The following EBF1 variants were observed in gnomAD, a reference collection of about 807,000 sequenced individuals.
The protein encoded by EBF1 is EBF transcription factor 1, also known as transcription factor COE1.
In EBF1, 10 loss-of-function variants were observed where a neutral mutation model predicts 68.4. The observed-to-expected ratio is 0.15, with a 90% CI of 0.09 to 0.25. The LOEUF (loss-of-function observed/expected upper bound fraction) is 0.25. Ranked by LOEUF, EBF1 falls within the 10% of genes least tolerant of loss-of-function variation. EBF1 has a pLI of 1.00. For synonymous variants in EBF1, 298 were observed against 299.8 expected (o/e 0.99, Z 0.06); for missense variants, 509 against 794.4 (o/e 0.64, Z 4.32).
chr5:158,933,128 C>T (rs1811244434), intron 6 of EBF1, among the ~76,000 whole-genome samples: 1 of 151,762 alleles, frequency 6.6e-6, no homozygotes. Context: ...TCAATACATA[C>T]ATACGGGGTA....
At chr5:158,903,182 T>A (rs78854515) in intron 6 of EBF1, among the ~76,000 whole-genome samples, 3,131 of 152,282 alleles carry the variant, frequency 0.021, 116 homozygotes, top group African/African-American at 0.072. Context: ...TGGATTGTGA[T>A]TATAATCCAC....
chr5:158,958,228 T>C (rs1817521696), intron 6 of EBF1, among the ~76,000 whole-genome samples: 1 of 152,082 alleles, frequency 6.6e-6, no homozygotes, highest in Non-Finnish European at 1.5e-5. Context: ...GGGATCCTCT[T>C]TTACAATAGA....
intron 6 of EBF1, among the ~76,000 whole-genome samples, chr5:159,039,279 A>G (rs1401046765): frequency 6.6e-6 from 1 of 152,178 alleles, no homozygotes; most frequent in Non-Finnish European, 1.5e-5. Flanking sequence ...ATAAATTATT[A>G]TTCCCCTCTC....
At chr5:158,866,653 A>C (rs1209489666) in intron 6 of EBF1, among the ~76,000 whole-genome samples, 1 of 151,732 alleles carries the variant, frequency 6.6e-6, no homozygotes, top group Non-Finnish European at 1.5e-5. Flanking sequence ...TAAGTCACTC[A>C]GTGCCTATAA....
At chr5:158,926,875 T>C (rs2127425336) in intron 6 of EBF1, among the ~76,000 whole-genome samples, 1 of 152,340 alleles carries the variant, frequency 6.6e-6, no homozygotes, top group Admixed American at 6.5e-5. Context: ...TAGTAATGTA[T>C]TAATTGCAAC....
intron 10 of EBF1, among the ~76,000 whole-genome samples, chr5:158,740,438 A>G (rs1766089465): frequency 6.6e-6 from 1 of 152,240 alleles, no homozygotes. Context: ...TAATGAAATT[A>G]TAACAGAGCT....
intron 6 of EBF1, among the ~76,000 whole-genome samples, chr5:158,925,912 C>T (rs1266487035): frequency 6.6e-6 from 1 of 152,110 alleles, no homozygotes. Flanking sequence ...CAGAAACAGT[C>T]CACAATATTA....
intron 15 of EBF1, among the ~76,000 whole-genome samples, chr5:158,703,414 C>T (rs1169156443): frequency 3.3e-5 from 5 of 152,142 alleles, no homozygotes; most frequent in Non-Finnish European, 5.9e-5. Context: ...TGTAGGCAAA[C>T]AAGTTTGCCA....
chr5:159,077,208 G>A (rs1778929072), intron 5 of EBF1, among the ~76,000 whole-genome samples: 1 of 152,210 alleles, frequency 6.6e-6, no homozygotes, highest in African/African-American at 2.4e-5. Context: ...GCCAAGGTGG[G>A]TAGATCACCT....
chr5:158,978,475 G>A (rs2127579627), intron 6 of EBF1, among the ~76,000 whole-genome samples: 1 of 152,228 alleles, frequency 6.6e-6, no homozygotes. Flanking sequence ...GGAAGGGGCA[G>A]AAGCCTTAAC....
At chr5:158,998,303 T>C (rs551587704) in intron 6 of EBF1, among the ~76,000 whole-genome samples, 2 of 152,264 alleles carry the variant, frequency 1.3e-5, no homozygotes, top group Admixed American at 1.3e-4. Flanking sequence ...TGCAACCTCC[T>C]CGACAAGGCT....
chr5:158,955,381 A>G (rs544715929), intron 6 of EBF1, among the ~76,000 whole-genome samples: 1 of 152,256 alleles, frequency 6.6e-6, no homozygotes, highest in East Asian at 1.9e-4. Flanking sequence ...TAGAGGCCTC[A>G]GGACTTAGAG....
intron 11 of EBF1, among the ~76,000 whole-genome samples, chr5:158,725,088 C>T (rs1257230801): frequency 4.6e-5 from 7 of 152,226 alleles, no homozygotes; most frequent in African/African-American, 9.6e-5. Context: ...GGGAGAGCCA[C>T]TTCATAGAGA....
At chr5:158,943,167 T>C (rs1195968684) in intron 6 of EBF1, among the ~76,000 whole-genome samples, 2 of 152,134 alleles carry the variant, frequency 1.3e-5, no homozygotes, top group African/African-American at 4.8e-5. Context: ...TTGAATCTTC[T>C]GTCTTTCAGG....
chr5:158,899,487 G>A (rs1802845608), intron 6 of EBF1, among the ~76,000 whole-genome samples: 1 of 152,200 alleles, frequency 6.6e-6, no homozygotes, highest in Non-Finnish European at 1.5e-5. Context: ...TTTTATGAGT[G>A]CCGTGTGCAC....
intron 6 of EBF1, among the ~76,000 whole-genome samples, chr5:158,884,548 G>C (rs1799632381): frequency 6.6e-6 from 1 of 152,164 alleles, no homozygotes; most frequent in Admixed American, 6.5e-5. Context: ...CAGGACAGGG[G>C]AAAGTTGAAG....
intron 6 of EBF1, among the ~76,000 whole-genome samples, chr5:158,872,496 G>A (rs970780960): frequency 1.1e-4 from 16 of 152,122 alleles, no homozygotes; most frequent in Non-Finnish European, 7.3e-5. Context: ...CACTGCACCC[G>A]GCCCTGTTTT....
intron 6 of EBF1, among the ~76,000 whole-genome samples, chr5:159,072,501 A>G (rs914498135): frequency 6.6e-6 from 1 of 152,202 alleles, no homozygotes; most frequent in African/African-American, 2.4e-5. Flanking sequence ...GGTTTCCTCA[A>G]TGAGGGATCG....
chr5:159,072,576 C>T lies in EBF1; in HGVS notation c.554+820G>A, dbSNP rs1778006854. On this transcript the variant is annotated intron_variant, in intron 6 of 15. Transcript: ENST00000313708. ...AGATGCTAGCTCTTTTCCTAGCTGA[C>T]AATTGACAGTATCTATAAACCTTCC... Among the ~76,000 whole-genome samples the T allele has an allele frequency of 2.6e-5, 4 of 152,226 alleles. No individual in the cohort carries two copies. In the South Asian group the frequency reaches 8.3e-4, roughly 32 times the overall value.
Sources: allele counts gnomAD v4.1 joint callset (sites outside exome capture counted in the v4.1 genomes callset), GRCh38; gene constraint gnomAD v4.1.1; transcripts MANE v1.5; gene names NCBI Gene and HGNC (gene_info 2026-07-23, HGNC 2026-07-21).